Variants in STAG1 observed in about 807,000 individuals in gnomAD.
STAG1 encodes STAG1 cohesin complex component.
In STAG1, 26 loss-of-function variants were observed where a neutral mutation model predicts 170.9. That is an observed-to-expected ratio of 0.15 (90% CI 0.11 to 0.21). STAG1 has a LOEUF of 0.21. STAG1 is among the 10% of genes least tolerant of loss of function. The pLI is 1.00. For synonymous variants in STAG1, 514 were observed against 497.7 expected, an observed-to-expected ratio of 1.03 and a Z score of -0.44; for missense variants, 964 against 1,509.5, an observed-to-expected ratio of 0.64 and a Z score of 5.99.
intron 1 of STAG1, among the ~76,000 whole-genome samples, chr3:136,647,752 A>T (rs963011077): frequency 1.4e-4 from 21 of 152,210 alleles, no homozygotes; most frequent in African/African-American, 4.6e-4. Flanking sequence ...TTTCGTATAC[A>T]TGTTAGGCAC....
chr3:136,554,470 A>G (rs1936527460), intron 5 of STAG1, among the ~76,000 whole-genome samples: 1 of 152,256 alleles, frequency 6.6e-6, no homozygotes, highest in Non-Finnish European at 1.5e-5. Flanking sequence ...AAACATTAGC[A>G]AAAGCTGACC....
intron 6 of STAG1, among the ~76,000 whole-genome samples, chr3:136,525,787 T>C (rs1373924227): frequency 6.6e-6 from 1 of 152,226 alleles, no homozygotes; most frequent in Non-Finnish European, 1.5e-5. Flanking sequence ...GAGATTCTGG[T>C]ATGTTGTGCC....
intron 10 of STAG1, among the ~76,000 whole-genome samples, chr3:136,476,508 A>G (rs2089753880): frequency 6.6e-6 from 1 of 152,244 alleles, no homozygotes; most frequent in African/African-American, 2.4e-5. Context: ...ATTACGTAAC[A>G]TGTATAATGA....
intron 4 of STAG1, among the ~76,000 whole-genome samples, chr3:136,602,879 G>A (rs115156851): frequency 1.3e-4 from 20 of 152,078 alleles, no homozygotes; most frequent in Non-Finnish European, 2.6e-4. Flanking sequence ...AAGCTTAATG[G>A]CAAAAGGTCA....
chr3:136,376,761 C>T (rs1467702772), intron 23 of STAG1, among the ~76,000 whole-genome samples: 1 of 151,854 alleles, frequency 6.6e-6, no homozygotes, highest in East Asian at 1.9e-4. Context: ...ATGTCAGCTC[C>T]CCAGACCCTC....
At chr3:136,566,325 T>C (rs1576614830) in intron 5 of STAG1, among the ~76,000 whole-genome samples, 2 of 152,178 alleles carry the variant, frequency 1.3e-5, no homozygotes, top group East Asian at 1.9e-4. Context: ...AAGTTAGTAT[T>C]CTGCAATGTG....
intron 30 of STAG1, among the ~76,000 whole-genome samples, chr3:136,342,627 G>GT (rs1936028505): frequency 6.6e-6 from 1 of 152,244 alleles, no homozygotes; most frequent in Non-Finnish European, 1.5e-5. Context: ...GATCACAGGC[G>GT]TGTGCCACCA....
intron 25 of STAG1, 90 bp from the exon 26 acceptor site, chr3:136,363,557 A>G: frequency 3.1e-6 from 1 of 324,552 alleles, no homozygotes; most frequent in Non-Finnish European, 5.7e-6. Flanking sequence ...TTGAAAATGA[A>G]AAAAAAAAAA....
intron 19 of STAG1, 96 bp downstream of exon 19, chr3:136,422,314 A>C: frequency 8.5e-7 from 1 of 1,181,250 alleles, no homozygotes; most frequent in Non-Finnish European, 1.2e-6. Flanking sequence ...AATTCTACTC[A>C]ATTTCATTTT....
chr3:136,478,922 C>T (rs1328276626), intron 9 of STAG1, among the ~76,000 whole-genome samples: 2 of 152,020 alleles, frequency 1.3e-5, no homozygotes, highest in African/African-American at 2.4e-5. Context: ...TAGGTTTCCT[C>T]ATCTCTAAAA....
At chr3:136,751,541 G>T (rs1230331074) in intron 1 of STAG1, among the ~76,000 whole-genome samples, 3 of 152,104 alleles carry the variant, frequency 2.0e-5, no homozygotes, top group East Asian at 1.9e-4. Context: ...CCCGTCGGGG[G>T]CTGAGAGGGC....
chr3:136,357,767 T>C lies in STAG1; in HGVS notation c.3018A>G (p.Val1006=), dbSNP rs764665484. The change falls in exon 28 of 34, where the codon GTA becomes GTG. Residue 1006 remains valine (V), a synonymous_variant. Transcript: ENST00000383202. ...YPPPNLAFLE[V]LSEFSSKLLR... ...GAAGTTTAGAAGAAAATTCACTTAG[T>C]ACTTCAAGAAAAGCCAGATTAGGAG... 1.9e-6 allele frequency: 3 copies of C among 1,607,308 alleles called. No individual in the cohort carries two copies. Among genetic ancestry groups the C allele is most frequent in the East Asian group, 2.2e-5 (1 of 44,648 alleles).
chr3:136,394,602 C>T (rs2087098784), intron 22 of STAG1, among the ~76,000 whole-genome samples: 1 of 151,490 alleles, frequency 6.6e-6, no homozygotes, highest in Non-Finnish European at 1.5e-5. Flanking sequence ...ATGGTGAAAC[C>T]CCATCTCTAC....
chr3:136,501,514 T>G (rs977872950), intron 8 of STAG1, among the ~76,000 whole-genome samples: 1 of 152,218 alleles, frequency 6.6e-6, no homozygotes, highest in Admixed American at 6.5e-5. Flanking sequence ...ATTGGAATTA[T>G]GCTGCCACCA....
At chr3:136,414,143 G>A (rs1470071240) in intron 21 of STAG1, among the ~76,000 whole-genome samples, 1 of 152,182 alleles carries the variant, frequency 6.6e-6, no homozygotes, top group Non-Finnish European at 1.5e-5. Context: ...GAAGGTTGGG[G>A]TGACTATGGC....
chr3:136,454,081 C>T (rs1031388834), intron 13 of STAG1, among the ~76,000 whole-genome samples: 1 of 152,052 alleles, frequency 6.6e-6, no homozygotes, highest in Non-Finnish European at 1.5e-5. Flanking sequence ...TCCCTGATAA[C>T]TGAAATATAC....
chr3:136,547,533 C>G (rs932648038), intron 5 of STAG1, among the ~76,000 whole-genome samples: 1 of 152,314 alleles, frequency 6.6e-6, no homozygotes, highest in South Asian at 2.1e-4. Context: ...CTGCTCTCTC[C>G]TTCCATGAGT....
intron 1 of STAG1, among the ~76,000 whole-genome samples, chr3:136,688,635 G>C (rs568687319): frequency 6.6e-6 from 1 of 152,070 alleles, no homozygotes; most frequent in South Asian, 2.1e-4. Context: ...CAAGTGATTT[G>C]CCTGCCTTGG....
chr3:136,695,456 A>C (rs1942856944), intron 1 of STAG1, among the ~76,000 whole-genome samples: 1 of 151,706 alleles, frequency 6.6e-6, no homozygotes, highest in Non-Finnish European at 1.5e-5. Context: ...AAAAAGAGAG[A>C]GACAGACCGT....
Sources: allele counts gnomAD v4.1 joint callset (sites outside exome capture counted in the v4.1 genomes callset), GRCh38; gene constraint gnomAD v4.1.1; transcripts MANE v1.5; gene names NCBI Gene and HGNC (gene_info 2026-07-23, HGNC 2026-07-21).